Variants in FOXN2 observed in about 807,000 individuals in gnomAD.
The protein encoded by FOXN2 is forkhead box protein N2.
Under a neutral mutation model 41.2 loss-of-function variants are expected in FOXN2, and 19 were observed. The ratio of observed to expected loss-of-function variants is 0.46; its 90% CI spans 0.32 to 0.68. The LOEUF (loss-of-function observed/expected upper bound fraction) is 0.68. Ranked by LOEUF, FOXN2 falls within the 30% of genes least tolerant of loss-of-function variation. The pLI is 0.03. For missense variants in FOXN2, 587 were observed against 509.4 expected (o/e 1.15, Z -1.47); for synonymous variants, 195 against 176.8 (o/e 1.10, Z -0.82).
At chr2:48,328,140 A>G (rs1260789229) in intron 1 of FOXN2, among the ~76,000 whole-genome samples, 1 of 152,230 alleles carries the variant, frequency 6.6e-6, no homozygotes, top group Non-Finnish European at 1.5e-5. Flanking sequence ...ACAAATTTTG[A>G]TGACAAGACC....
At chr2:48,371,364 TC>T (rs1482933958) in intron 5 of FOXN2, among the ~76,000 whole-genome samples, 1 of 152,094 alleles carries the variant, frequency 6.6e-6, no homozygotes, top group Non-Finnish European at 1.5e-5. Context: ...TCCTCTGCCT[TC>T]CAGCCTGGGT....
intron 2 of FOXN2, among the ~76,000 whole-genome samples, chr2:48,335,824 G>C (rs1413606870): frequency 6.7e-6 from 1 of 150,102 alleles, no homozygotes; most frequent in Non-Finnish European, 1.5e-5. Context: ...TCAGGAAATA[G>C]AGACCATCCT....
intron 2 of FOXN2, among the ~76,000 whole-genome samples, chr2:48,334,518 A>G (rs1182808611): frequency 6.6e-6 from 1 of 152,242 alleles, no homozygotes; most frequent in Non-Finnish European, 1.5e-5. Flanking sequence ...ACGTACCTGG[A>G]TCAAGGTACC....
intron 1 of FOXN2, among the ~76,000 whole-genome samples, chr2:48,324,684 G>C (rs954614143): frequency 2.6e-5 from 4 of 152,104 alleles, no homozygotes; most frequent in African/African-American, 7.2e-5. Context: ...TGAGTCCATT[G>C]TTTTCTATTT....
At chr2:48,359,999 T>C (rs1028112309) in intron 4 of FOXN2, among the ~76,000 whole-genome samples, 2 of 152,130 alleles carry the variant, frequency 1.3e-5, no homozygotes, top group African/African-American at 4.8e-5. Flanking sequence ...GTCTAAAATT[T>C]TTAAATGTTT....
intron 6 of FOXN2, among the ~76,000 whole-genome samples, chr2:48,374,243 G>A (rs545672366): frequency 2.5e-4 from 38 of 152,232 alleles, no homozygotes; most frequent in African/African-American, 9.1e-4. Context: ...CAAAATATAT[G>A]ACTAGGTGGA....
chr2:48,361,946 T>C (rs1318417843), intron 4 of FOXN2, among the ~76,000 whole-genome samples: 1 of 152,242 alleles, frequency 6.6e-6, no homozygotes, highest in Non-Finnish European at 1.5e-5. Context: ...TAGTATTATA[T>C]CAAACTTAAG....
intron 2 of FOXN2, among the ~76,000 whole-genome samples, chr2:48,339,017 A>G (rs1265189416): frequency 6.6e-6 from 1 of 152,178 alleles, no homozygotes; most frequent in African/African-American, 2.4e-5. Flanking sequence ...AAAAATGGGC[A>G]CAAGGCTTCA....
chr2:48,337,531 C>G (rs1460308908), intron 2 of FOXN2, among the ~76,000 whole-genome samples: 1 of 151,870 alleles, frequency 6.6e-6, no homozygotes, highest in African/African-American at 2.4e-5. Flanking sequence ...GTTTTGAACT[C>G]CTGATCTCAA....
intron 4 of FOXN2, among the ~76,000 whole-genome samples, chr2:48,361,533 T>TA (rs1232487271): frequency 6.6e-6 from 1 of 152,116 alleles, no homozygotes; most frequent in African/African-American, 2.4e-5. Context: ...TTTAAACCCT[T>TA]AATATAAAAT....
intron 5 of FOXN2, among the ~76,000 whole-genome samples, chr2:48,367,080 G>A (rs558157722): frequency 6.6e-6 from 1 of 152,260 alleles, no homozygotes; most frequent in Admixed American, 6.5e-5. Flanking sequence ...AACAGGTGCA[G>A]CAGTGTGTTT....
At chr2:48,358,033 T>C (rs573515096) in intron 3 of FOXN2, among the ~76,000 whole-genome samples, 1 of 152,306 alleles carries the variant, frequency 6.6e-6, no homozygotes, top group East Asian at 1.9e-4. Context: ...ATTGCCAGCA[T>C]AGTAAAAAAC....
chr2:48,338,592 G>T (rs1317334428), intron 2 of FOXN2, among the ~76,000 whole-genome samples: 1 of 151,936 alleles, frequency 6.6e-6, no homozygotes, highest in African/African-American at 2.4e-5. Context: ...TAGTAGAGGG[G>T]GTTTCACCGT....
chr2:48,323,064 G>C (rs1052001960), intron 1 of FOXN2, among the ~76,000 whole-genome samples: 1 of 152,008 alleles, frequency 6.6e-6, no homozygotes, highest in African/African-American at 2.4e-5. Flanking sequence ...TGAGAACACA[G>C]AGTAGGAGCT....
intron 3 of FOXN2, among the ~76,000 whole-genome samples, chr2:48,353,944 A>T (rs752331787): frequency 6.6e-6 from 1 of 151,832 alleles, no homozygotes; most frequent in Non-Finnish European, 1.5e-5. Flanking sequence ...GCTATTGTTT[A>T]TGCATTTAGA....
intron 1 of FOXN2, among the ~76,000 whole-genome samples, chr2:48,326,269 A>T (rs1023050687): frequency 2.0e-5 from 3 of 152,268 alleles, no homozygotes; most frequent in Admixed American, 1.3e-4. Context: ...TTGAGAGAGG[A>T]GAAAGCATGG....
chr2:48,352,494 G>A (rs1476298553), intron 3 of FOXN2, among the ~76,000 whole-genome samples: 1 of 151,970 alleles, frequency 6.6e-6, no homozygotes, highest in African/African-American at 2.4e-5. Context: ...CTTTTTTGTT[G>A]ATTTAGTATT....
At chr2:48,345,261 G>C (rs1048521038) in intron 2 of FOXN2, among the ~76,000 whole-genome samples, 1 of 152,206 alleles carries the variant, frequency 6.6e-6, no homozygotes, top group African/African-American at 2.4e-5. Context: ...GATAAATTTA[G>C]TGAATAAGAA....
At chr2:48,344,516 A>G (rs1334521939) in intron 2 of FOXN2, among the ~76,000 whole-genome samples, 1 of 152,158 alleles carries the variant, frequency 6.6e-6, no homozygotes, top group Non-Finnish European at 1.5e-5. Flanking sequence ...TCTCTGATTA[A>G]TTTTCCTCAT....
Sources: allele counts gnomAD v4.1 joint callset (sites outside exome capture counted in the v4.1 genomes callset), GRCh38; gene constraint gnomAD v4.1.1; transcripts MANE v1.5; gene names NCBI Gene and HGNC (gene_info 2026-07-23, HGNC 2026-07-21).